Variants in PAFAH2 observed in about 807,000 individuals in gnomAD.
The protein encoded by PAFAH2 is platelet-activating factor acetylhydrolase 2, cytoplasmic.
Under a neutral mutation model 49.0 loss-of-function variants are expected in PAFAH2, and 42 were observed. That is an observed-to-expected ratio of 0.86 (90% CI 0.67 to 1.11). The LOEUF (loss-of-function observed/expected upper bound fraction) is 1.11, where lower values mean the gene tolerates loss of function less well. Ranked by LOEUF, PAFAH2 falls within the 50% of genes least tolerant of loss-of-function variation. The probability of loss-of-function intolerance (pLI) is 0.00; values close to 1 mark genes in which losing one functional copy is unlikely to be tolerated. For synonymous variants in PAFAH2, 184 were observed against 181.3 expected (o/e 1.01, Z -0.12); for missense variants, 503 against 501.8 (o/e 1.00, Z -0.02).
chr1:25,979,691 T>C (rs1000123505), intron 7 of PAFAH2, among the ~76,000 whole-genome samples: 3 of 152,154 alleles, frequency 2.0e-5, no homozygotes, highest in African/African-American at 7.2e-5. Context: ...GATTTCACCA[T>C]GCTGGCCAGG....
At chr1:25,968,883 C>T (rs1307319439) in intron 10 of PAFAH2, among the ~76,000 whole-genome samples, 1 of 152,162 alleles carries the variant, frequency 6.6e-6, no homozygotes, top group Non-Finnish European at 1.5e-5. Context: ...ACGTGAGCCA[C>T]TGTGCCCAAC....
chr1:25,993,718 C>T (rs561104167), intron 1 of PAFAH2, among the ~76,000 whole-genome samples: 1 of 152,156 alleles, frequency 6.6e-6, no homozygotes, highest in Admixed American at 6.5e-5. Context: ...AGCCTGAGAC[C>T]CTGACCTTTC....
At chr1:25,987,516 A>G (rs1371721297) in intron 4 of PAFAH2, among the ~76,000 whole-genome samples, 5 of 152,098 alleles carry the variant, frequency 3.3e-5, no homozygotes, top group Non-Finnish European at 7.4e-5. Flanking sequence ...TGGCTCCACA[A>G]GTGCAGGGAG....
At chr1:25,990,935 T>C (rs551476524) in intron 1 of PAFAH2, 72 bp from the exon 2 acceptor site, 9 of 726,980 alleles carry the variant, frequency 1.2e-5, no homozygotes, top group Non-Finnish European at 2.2e-5. Context: ...AAATGTGTTA[T>C]CTGTTACCCT....
At chr1:25,992,007 G>A (rs543687488) in intron 1 of PAFAH2, among the ~76,000 whole-genome samples, 2 of 152,300 alleles carry the variant, frequency 1.3e-5, no homozygotes, top group East Asian at 1.9e-4. Flanking sequence ...TGCCTAATCC[G>A]GAAGCTAAGT....
Position 25,959,813 on chromosome 1 carries a change from T to C in PAFAH2, c.*2176A>G, listed in dbSNP as rs951426976. The C allele has an allele frequency of 2.6e-5, 4 of 152,168 alleles. No individual in the cohort carries two copies. Among genetic ancestry groups the C allele is most frequent in the African/African-American group, 7.2e-5 (3 of 41,436 alleles). 9.4% of individuals were successfully genotyped at this position (152,168 alleles called of 1,614,324 possible). On this transcript the variant is annotated 3_prime_UTR_variant, in exon 11 of 11. Transcript: ENST00000374282. ...AAACATACATGGCACATTTACAACA[T>C]TGATCTCATACTAGGCCAACAACCA...
chr1:25,970,824 G>A (rs1030292016), intron 10 of PAFAH2, among the ~76,000 whole-genome samples: 1 of 151,950 alleles, frequency 6.6e-6, no homozygotes, highest in South Asian at 2.1e-4. Context: ...GTGGCCTCAA[G>A]CAATCCTCCC....
chr1:25,966,907 C>T (rs904117887), intron 10 of PAFAH2, among the ~76,000 whole-genome samples: 1 of 151,780 alleles, frequency 6.6e-6, no homozygotes, highest in African/African-American at 2.4e-5. Context: ...TGGTGGGCGC[C>T]TGTAGTCCCA....
intron 8 of PAFAH2, among the ~76,000 whole-genome samples, chr1:25,975,284 T>G (rs2049572110): frequency 1.3e-5 from 2 of 151,918 alleles, no homozygotes; most frequent in Non-Finnish European, 2.9e-5. Flanking sequence ...GATACACAAA[T>G]GAAAAACCTT....
In PAFAH2 at chr1:25,976,757, C is replaced by A; in HGVS notation, c.683G>T (p.Ser228Ile). ...LMTLKGNIDM[S>I]RVAVMGHSFG... is the part of the protein sequence containing the mutation. ...TGAATGTCCCATCACAGCCACACGGCTCATGTCAATGTTGCCCTGAGGAAA... is the reference window on the plus strand; with the variant it reads ...TGAATGTCCCATCACAGCCACACGGATCATGTCAATGTTGCCCTGAGGAAA... The change falls in exon 8 of 11, where the codon AGC (serine) becomes ATC (isoleucine). Residue 228 changes from serine to isoleucine, a missense_variant. Coordinates refer to ENST00000374282, the MANE Select transcript of PAFAH2 (RefSeq NM_000437.4). 5.6e-6 allele frequency: 9 copies of A among 1,614,136 alleles called. No individual in the cohort carries two copies. Among genetic ancestry groups the A allele is most frequent in the Non-Finnish European group, 7.6e-6 (9 of 1,179,988 alleles).
chr1:25,962,702 G>A (rs898796570), intron 10 of PAFAH2, among the ~76,000 whole-genome samples: 8 of 151,960 alleles, frequency 5.3e-5, no homozygotes, highest in Admixed American at 5.3e-4. Context: ...GTGTGTGCCT[G>A]AAGTCCTACC....
chr1:25,960,952 C>G lies in PAFAH2; in HGVS notation c.*1037G>C, dbSNP rs1218584799. 6.6e-6 allele frequency: 1 copy of G among 152,030 alleles called. No individual in the cohort carries two copies. The highest frequency in any genetic ancestry group is 1.5e-5 in the Non-Finnish European group (1 of 68,032). 9.4% of individuals were successfully genotyped at this position (152,030 alleles called of 1,614,324 possible). ...TCCTGAGTAGCTGGGATTATAGGCGCCTGCCATTACGCCAGGCTAATTTTT... is the reference window on the plus strand; with the variant it reads ...TCCTGAGTAGCTGGGATTATAGGCGGCTGCCATTACGCCAGGCTAATTTTT... On this transcript the variant is annotated 3_prime_UTR_variant, in exon 11 of 11. Coordinates refer to ENST00000374282, the MANE Select transcript of PAFAH2 (RefSeq NM_000437.4).
At chr1:25,981,626 C>G (rs952910844) in intron 7 of PAFAH2, among the ~76,000 whole-genome samples, 3 of 152,234 alleles carry the variant, frequency 2.0e-5, no homozygotes, top group Non-Finnish European at 1.5e-5. Context: ...GGAATACCCT[C>G]TCCCTCTGAC....
rs2049346910 is a variant in PAFAH2 at position 25,962,080 on chromosome 1, A to G, written c.1088T>C (p.Leu363Pro). 1 of 1,611,638 alleles carries G rather than the reference A, an allele frequency of 6.2e-7. No individual in the cohort carries two copies. Among genetic ancestry groups the G allele is most frequent in the African/African-American group, 1.3e-5 (1 of 74,932 alleles). The stretch of plus-strand genomic sequence containing the variant: ...GTTCCATTGATTATAGTCTTCTTTC[A>G]GGTCTGAAAAGGAAAAAAACAGGAA... ...MLAFLQKHLDLKEDYNQWNNL... is the reference protein window; with the variant it reads ...MLAFLQKHLDPKEDYNQWNNL... The change falls in exon 11 of 11, where the codon CTG becomes CCG. Residue 363 changes from leucine (L) to proline (P), a missense_variant. By Grantham distance (98) the Leu-to-Pro change is moderately conservative (BLOSUM62 -3). Transcript: ENST00000374282.
intron 7 of PAFAH2, among the ~76,000 whole-genome samples, chr1:25,981,141 A>G (rs768334606): frequency 5.3e-5 from 8 of 152,204 alleles, no homozygotes; most frequent in Non-Finnish European, 1.2e-4. Flanking sequence ...ATTAATTGGC[A>G]TAAGAAGATA....
Position 25,971,860 on chromosome 1 carries a change from T to C in PAFAH2, c.1084+698A>G, listed in dbSNP as rs115473275. Among the ~76,000 whole-genome samples, 476 of 152,290 alleles carry C rather than the reference T, an allele frequency of 3.1e-3. 4 individuals carry two copies. Among genetic ancestry groups the C allele is most frequent in the African/African-American group, 0.011 (454 of 41,556 alleles). On this transcript the variant is annotated intron_variant, in intron 10 of 10. Transcript: ENST00000374282. ...CATAGTCCTTCCATGCTTTGTTTCTTTAAAACACTTCCATAAATTTAGCCC... is the reference window on the plus strand; with the variant it reads ...CATAGTCCTTCCATGCTTTGTTTCTCTAAAACACTTCCATAAATTTAGCCC...
chr1:25,991,956 T>C (rs572183783), intron 1 of PAFAH2, among the ~76,000 whole-genome samples: 1 of 152,024 alleles, frequency 6.6e-6, no homozygotes, highest in South Asian at 2.1e-4. Flanking sequence ...CATAAAGAGG[T>C]TGAATAACCT....
At chr1:25,986,926 T>A (rs966832909) in intron 4 of PAFAH2, among the ~76,000 whole-genome samples, 2 of 152,094 alleles carry the variant, frequency 1.3e-5, no homozygotes, top group Non-Finnish European at 2.9e-5. Flanking sequence ...AGTGCTGGAA[T>A]GACAAGATCA....
At chr1:25,981,227 A>T (rs1359209426) in intron 7 of PAFAH2, among the ~76,000 whole-genome samples, 1 of 152,228 alleles carries the variant, frequency 6.6e-6, no homozygotes, top group Non-Finnish European at 1.5e-5. Flanking sequence ...GTGTAAAAAA[A>T]ATATACACAT....
Sources: allele counts gnomAD v4.1 joint callset (sites outside exome capture counted in the v4.1 genomes callset), GRCh38; gene constraint gnomAD v4.1.1; transcripts MANE v1.5; gene names NCBI Gene and HGNC (gene_info 2026-07-23, HGNC 2026-07-21).